The following LMLN variants were observed in gnomAD, a reference collection of about 807,000 sequenced individuals.
The protein encoded by LMLN is leishmanolysin-like peptidase.
LMLN carries 70 observed loss-of-function variants against 92.3 expected under a neutral mutation model. That is an observed-to-expected ratio of 0.76 (90% CI 0.63 to 0.92). The LOEUF (loss-of-function observed/expected upper bound fraction) is 0.92. Among genes scored for constraint, LMLN ranks in the 40% least tolerant of loss-of-function variants. The pLI is 0.00. For missense variants in LMLN, 691 were observed against 814.6 expected, an observed-to-expected ratio of 0.85 and a Z score of 1.85; for synonymous variants, 308 against 296.2, an observed-to-expected ratio of 1.04 and a Z score of -0.41.
At chr3:198,033,757 G>C (rs1449969770) in intron 14 of LMLN, among the ~76,000 whole-genome samples, 2 of 152,182 alleles carry the variant, frequency 1.3e-5, no homozygotes, top group Non-Finnish European at 2.9e-5. Context: ...CTAGAGGGCA[G>C]GCACTGTATT....
At chr3:197,964,263 T>G (rs1195382913) in intron 1 of LMLN, among the ~76,000 whole-genome samples, 1 of 152,182 alleles carries the variant, frequency 6.6e-6, no homozygotes, top group Non-Finnish European at 1.5e-5. Context: ...TAGATGACTG[T>G]TTTTTAACCT....
chr3:198,029,391 C>T (rs1344820996), intron 14 of LMLN, among the ~76,000 whole-genome samples: 2 of 152,170 alleles, frequency 1.3e-5, no homozygotes, highest in African/African-American at 4.8e-5. Context: ...AAACTACAGC[C>T]TCAGGCCAGG....
chr3:198,038,647 C>A, exon 16 of LMLN: 1 of 1,613,162 alleles, frequency 6.2e-7, no homozygotes, highest in Non-Finnish European at 8.5e-7. Flanking sequence ...GGCTGGATTT[C>A]TTCTGTGTAT....
intron 5 of LMLN, among the ~76,000 whole-genome samples, chr3:197,978,654 TAATA>T (rs1458194702): frequency 6.6e-6 from 1 of 151,874 alleles, no homozygotes; most frequent in Non-Finnish European, 1.5e-5. Flanking sequence ...ATTAGATAAA[TAATA>T]ATATCTCAGA....
chr3:197,965,022 AAAG>A (rs1390743026), intron 1 of LMLN, among the ~76,000 whole-genome samples: 8 of 150,308 alleles, frequency 5.3e-5, no homozygotes, highest in South Asian at 2.1e-4. Flanking sequence ...AAAAAAAAAA[AAAG>A]AAAGAAAGAG....
chr3:198,003,317 A>G (rs1315835435), intron 11 of LMLN, among the ~76,000 whole-genome samples, 192 bp downstream of exon 12: 4 of 152,198 alleles, frequency 2.6e-5, no homozygotes, highest in Non-Finnish European at 5.9e-5. Context: ...TTAATCATAT[A>G]CTAAAGGAAT....
intron 3 of LMLN, among the ~76,000 whole-genome samples, 187 bp downstream of exon 3, chr3:197,975,259 G>A (rs77259890): frequency 0.065 from 9,845 of 152,254 alleles, 380 homozygotes; most frequent in African/African-American, 0.1. Context: ...TTGGTATTGG[G>A]CATTAAATTA....
chr3:197,999,290 A>G, exon 11 of LMLN: 3 of 1,613,830 alleles, frequency 1.9e-6, no homozygotes, highest in South Asian at 1.1e-5. Context: ...TGGTTCTCAC[A>G]CTCAGAATCG....
At chr3:198,011,810 G>A (rs1404277755) in intron 11 of LMLN, among the ~76,000 whole-genome samples, 6 of 152,070 alleles carry the variant, frequency 3.9e-5, no homozygotes, top group South Asian at 2.1e-4. Flanking sequence ...TTTAATGATC[G>A]CCATTCTAAC....
intron 6 of LMLN, 151 bp from the exon 7 acceptor site, chr3:197,983,792 C>T (rs1721624441): frequency 3.8e-6 from 2 of 526,344 alleles, no homozygotes; most frequent in Non-Finnish European, 3.4e-6. Context: ...GCAGAGGATA[C>T]ATGTCTTAAA....
intron 11 of LMLN, among the ~76,000 whole-genome samples, chr3:198,002,107 A>G (rs1191612931): frequency 6.6e-6 from 1 of 152,192 alleles, no homozygotes; most frequent in African/African-American, 2.4e-5. Flanking sequence ...ATTGCTTTCA[A>G]TTAAATTTGT....
At chr3:197,973,927 C>G (rs1374142876) in intron 1 of LMLN, among the ~76,000 whole-genome samples, 1 of 152,042 alleles carries the variant, frequency 6.6e-6, no homozygotes, top group African/African-American at 2.4e-5. Flanking sequence ...TTTATTCATC[C>G]CTGAAAAAAT....
chr3:198,000,567 A>G (rs1197702008), intron 11 of LMLN, among the ~76,000 whole-genome samples: 2 of 152,136 alleles, frequency 1.3e-5, no homozygotes, highest in African/African-American at 4.8e-5. Flanking sequence ...AGCTGGGACT[A>G]CAGGCGTGCA....
intron 1 of LMLN, 78 bp downstream of exon 1, chr3:197,960,518 G>A: frequency 1.5e-6 from 2 of 1,370,726 alleles, no homozygotes; most frequent in Non-Finnish European, 2.0e-6. Flanking sequence ...ATAGTGACTG[G>A]GAGAAGGTGT....
chr3:198,015,183 A>G (rs1243198785), intron 11 of LMLN, among the ~76,000 whole-genome samples: 2 of 141,270 alleles, frequency 1.4e-5, no homozygotes, highest in Non-Finnish European at 3.1e-5. Context: ...AGAGCCCCCT[A>G]ACTAGTCTGA....
In LMLN at chr3:197,983,131, A is replaced by T. The variant is rs116160882; in HGVS notation, c.729-812A>T. Among the ~76,000 whole-genome samples the T allele has an allele frequency of 4.9e-3, 751 of 152,368 alleles. 2 individuals carry two copies. The highest frequency in any genetic ancestry group is 8.2e-3 in the Non-Finnish European group (559 of 68,030). The stretch of plus-strand genomic sequence containing the variant: ...AATTCTGTGTCTGTTGCTATTACCT[A>T]TGAAGAAAATATAAAGTATTTAACA... On this transcript the variant is annotated intron_variant, in intron 6 of 15. Transcript: ENST00000330198.
At chr3:197,964,277 T>C (rs1720985182) in intron 1 of LMLN, among the ~76,000 whole-genome samples, 1 of 152,216 alleles carries the variant, frequency 6.6e-6, no homozygotes, top group Non-Finnish European at 1.5e-5. Context: ...TTAACCTTTT[T>C]TTCCTTCTAA....
Position 197,993,948 on chromosome 3 carries a change from T to C in LMLN, c.1048-2227T>C, listed in dbSNP as rs536506423. 2.6e-5 allele frequency among the ~76,000 whole-genome samples: 4 copies of C among 152,254 alleles called. No individual in the cohort carries two copies. In the South Asian group the frequency reaches 8.3e-4, roughly 32 times the overall value. The stretch of plus-strand genomic sequence containing the variant: ...TGGAACAGAATAAATTATGATTAAT[T>C]TATTGACTTGATTATGATTAACCAA... On this transcript the variant is annotated intron_variant, in intron 9 of 15. Transcript: ENST00000330198.
chr3:198,024,246 C>T (rs1334939353), intron 13 of LMLN, among the ~76,000 whole-genome samples: 1 of 143,066 alleles, frequency 7.0e-6, no homozygotes, highest in African/African-American at 2.6e-5. Context: ...GACGGAGTCT[C>T]TCTCTGTCGC....
Sources: gnomAD v4.1 joint callset for allele counts (sites outside exome capture counted in the v4.1 genomes callset) on GRCh38, gnomAD v4.1.1 for gene constraint, MANE v1.5 for transcripts, NCBI Gene and HGNC (gene_info 2026-07-23, HGNC 2026-07-21) for gene names.